Variants in PXK observed in about 807,000 individuals in gnomAD.
PXK encodes PX domain containing serine/threonine kinase like.
In PXK, 35 loss-of-function variants were observed where a neutral mutation model predicts 84.7. The observed-to-expected ratio is 0.41, with a 90% CI of 0.32 to 0.55. The LOEUF (loss-of-function observed/expected upper bound fraction) is 0.55. PXK is among the 20% of genes least tolerant of loss of function. The pLI is 0.21. For missense variants in PXK, 634 were observed against 699.7 expected (o/e 0.91, Z 1.06); for synonymous variants, 253 against 260.8 (o/e 0.97, Z 0.29).
rs778339656 is a variant in PXK, at chr3:58,424,819, C to T, written c.1596C>T (p.Ser532=). The part of the protein sequence containing the change: ...PPPAAPLPPA[S]TEAPAQLSSQ... ...CAGCAGCTCCCTTGCCTCCTGCGAG[C>T]ACCGAGGCACCTGCCCAGCTCTCGT... The change falls in exon 18 of 18, where the codon AGC becomes AGT. Residue 532 remains serine, a synonymous_variant. Transcript: ENST00000356151. The T allele has an allele frequency of 1.9e-6, 3 of 1,614,080 alleles. No homozygotes were observed. The highest frequency in any genetic ancestry group is 2.2e-5 in the South Asian group (2 of 91,086).
At position 58,399,355 on chromosome 3, in the gene PXK, A is replaced by G. The variant is rs2058216017; in HGVS notation, c.1159A>G (p.Ile387Val). Residue 387 changes from isoleucine (I) to valine (V), a missense_variant, in exon 12 of 18, where the codon ATC becomes GTC. Ile to Val is a conservative substitution (Grantham distance 29). Around this residue, in one of 3 missense-constraint regions of PXK, gnomAD observed 273 missense variants for 283.6 expected, o/e 0.96. Coordinates refer to ENST00000356151, the MANE Select transcript of PXK (RefSeq NM_017771.5). The surrounding 1 kb of genome is among the most constrained non-coding windows in gnomAD (Gnocchi z 4.3). ...CEACKNGMPT[I>V]SRLLQMPLFS... The stretch of plus-strand genomic sequence containing the variant: ...AGCCTGTAAAAATGGCATGCCTACC[A>G]TCTCCCGGCTCTTACAGATGCCGTA... The G allele has an allele frequency of 6.2e-7, 1 of 1,613,872 alleles. No individual in the cohort carries two copies. Among genetic ancestry groups the G allele is most frequent in the Non-Finnish European group, 8.5e-7 (1 of 1,179,792 alleles).
intron 1 of PXK, among the ~76,000 whole-genome samples, chr3:58,336,351 G>T (rs568735526): frequency 6.6e-6 from 1 of 152,190 alleles, no homozygotes; most frequent in African/African-American, 2.4e-5. Flanking sequence ...TGAGCAACTG[G>T]CAGAAAGGAC....
At chr3:58,377,780 A>G (rs2098456301) in intron 3 of PXK, among the ~76,000 whole-genome samples, 2 of 152,258 alleles carry the variant, frequency 1.3e-5, no homozygotes, top group Non-Finnish European at 2.9e-5. Flanking sequence ...CAGGAGAAGA[A>G]AAAACCACAA....
At chr3:58,402,706 C>A (rs1173616723) in intron 12 of PXK, among the ~76,000 whole-genome samples, 3 of 151,192 alleles carry the variant, frequency 2.0e-5, no homozygotes, top group Non-Finnish European at 4.4e-5. Context: ...GCTGAGATTA[C>A]AGGTGTGAGC....
chr3:58,354,742 C>G (rs1370090054), intron 1 of PXK, among the ~76,000 whole-genome samples: 1 of 152,084 alleles, frequency 6.6e-6, no homozygotes, highest in Non-Finnish European at 1.5e-5. Flanking sequence ...GCCACCGCGC[C>G]TGGCCCGATT....
rs562296569 is a variant in PXK at position 58,356,293 on chromosome 3, G to C, written c.103-9581G>C. On this transcript the variant is annotated intron_variant, in intron 1 of 17. Coordinates refer to ENST00000356151, the MANE Select transcript of PXK (RefSeq NM_017771.5). ...TGGGCCCTTTGGGGAAGTGGCAGCA[G>C]ATGGCAGGGTTTGGTGGCAGGCTGA... 1.8e-3 allele frequency among the ~76,000 whole-genome samples: 280 copies of C among 152,306 alleles called. 2 individuals are homozygous for C. The highest frequency in any genetic ancestry group is 3.5e-3 in the Non-Finnish European group (235 of 68,022).
At chr3:58,336,827 T>TG (rs1019418655) in intron 1 of PXK, among the ~76,000 whole-genome samples, 37 of 151,808 alleles carry the variant, frequency 2.4e-4, no homozygotes, top group African/African-American at 8.5e-4. Context: ...TTTTGGGGGG[T>TG]GGGGGACAGA....
At chr3:58,403,670 G>T (rs1480512355) in intron 12 of PXK, among the ~76,000 whole-genome samples, 192 bp from the exon 13 acceptor site, 1 of 152,190 alleles carries the variant, frequency 6.6e-6, no homozygotes, top group Non-Finnish European at 1.5e-5. Context: ...TGGGAAGGGG[G>T]TCACACTGGG....
chr3:58,415,053 ACT>A (rs2060755813), intron 17 of PXK, among the ~76,000 whole-genome samples: 1 of 152,114 alleles, frequency 6.6e-6, no homozygotes, highest in South Asian at 2.1e-4. Flanking sequence ...AATGATAGAC[ACT>A]GTTTAGGAAA....
Position 58,397,532 on chromosome 3 carries a change from C to G in PXK, c.985-73C>G, listed in dbSNP as rs955648866. 19 of 1,267,406 alleles carry G rather than the reference C, an allele frequency of 1.5e-5. No homozygotes were observed. Among genetic ancestry groups the G allele is most frequent in the African/African-American group, 2.9e-5 (2 of 68,136 alleles). The allele number at this position is 1,267,406 out of a possible 1,614,324, so 78.5% of individuals were successfully genotyped here. ...CCCTGGGCTTTGTTTCTCAGAGAAG[C>G]CTTGGGGCAGGAGCGCGAGGGTCCA... is the stretch of plus-strand genomic sequence containing the variant. On this transcript the variant is annotated intron_variant, in intron 10 of 17. Coordinates refer to ENST00000356151, the MANE Select transcript of PXK (RefSeq NM_017771.5). This position sits in a 1 kb window ranked among gnomAD's most constrained non-coding sequence, Gnocchi z 4.7.
At chr3:58,349,826 T>C (rs758285167) in intron 1 of PXK, among the ~76,000 whole-genome samples, 10 of 152,150 alleles carry the variant, frequency 6.6e-5, no homozygotes, top group Non-Finnish European at 1.5e-4. Flanking sequence ...GGCTACCATA[T>C]TGGATATCAA....
In PXK at chr3:58,336,374, G is replaced by A. The variant is rs560803149; in HGVS notation, c.102+3284G>A. The stretch of plus-strand genomic sequence containing the variant: ...TGGCAGAAAGGACATGTGTTGGTAG[G>A]TGATTCTGTGCTTTGCTGATGCTGA... On this transcript the variant is annotated intron_variant, in intron 1 of 17. Transcript: ENST00000356151. 2.0e-5 allele frequency among the ~76,000 whole-genome samples: 3 copies of A among 152,238 alleles called. 1 individual carries two copies. Among genetic ancestry groups the A allele is most frequent in the Admixed American group, 1.3e-4 (2 of 15,288 alleles).
At chr3:58,352,436 T>G (rs1446798995) in intron 1 of PXK, among the ~76,000 whole-genome samples, 1 of 152,210 alleles carries the variant, frequency 6.6e-6, no homozygotes, top group African/African-American at 2.4e-5. Flanking sequence ...CTACTAAACA[T>G]GTAGTGGGTA....
rs1255010750 is a variant in PXK at position 58,401,688 on chromosome 3, A to T, written c.1182-2174A>T. On this transcript the variant is annotated intron_variant, in intron 12 of 17. Coordinates refer to ENST00000356151, the MANE Select transcript of PXK (RefSeq NM_017771.5). The surrounding 1 kb of genome is among the most constrained non-coding windows in gnomAD (Gnocchi z 4.4). ...ATGCCTGTAATCCCAGCACTTTAGG[A>T]GGCCAAGGCAGGTGGATCACAAGGT... 1.3e-5 allele frequency among the ~76,000 whole-genome samples: 2 copies of T among 151,924 alleles called. No homozygotes were observed. Among genetic ancestry groups the T allele is most frequent in the Non-Finnish European group, 2.9e-5 (2 of 67,994 alleles).
chr3:58,409,763 G>GT lies in PXK; in HGVS notation c.1395+152dup, dbSNP rs34721541. ...ACTATTTCCAGATGACTGGGGTGCA[G>GT]TTTTTTTGGGGAAAAAAAAAGAGTC... On this transcript the variant is annotated intron_variant, in intron 15 of 17. Coordinates refer to ENST00000356151, the MANE Select transcript of PXK (RefSeq NM_017771.5). The surrounding 1 kb of genome is among the most constrained non-coding windows in gnomAD (Gnocchi z 4.2). The GT allele has an allele frequency of 0.75, 471,390 of 624,914 alleles. 180,490 individuals are homozygous for GT. The highest frequency in any genetic ancestry group is 0.79 in the Middle Eastern group (3,086 of 3,920). The allele number at this position is 624,914 out of a possible 1,614,324, so 38.7% of individuals were successfully genotyped here.
chr3:58,346,809 C>T (rs1219968179), intron 1 of PXK, among the ~76,000 whole-genome samples: 3 of 150,110 alleles, frequency 2.0e-5, no homozygotes, highest in African/African-American at 7.4e-5. Flanking sequence ...AGCCTCATGC[C>T]ACCACATGTG....
At position 58,425,101 on chromosome 3, in the gene PXK, C is replaced by A. The variant is rs2107909101; in HGVS notation, c.*141C>A. On this transcript the variant is annotated 3_prime_UTR_variant, in exon 18 of 18. Transcript: ENST00000356151. ...ACTATTTTGCAGATGCTCATGTAAG[C>A]AGCTTTTCGAGAGAAATAATTCTTT... 1 of 1,243,794 alleles carries A rather than the reference C, an allele frequency of 8.0e-7. No homozygotes were observed. The highest frequency in any genetic ancestry group is 1.1e-6 in the Non-Finnish European group (1 of 910,152). The allele number at this position is 1,243,794 out of a possible 1,614,324, so 77.0% of individuals were successfully genotyped here.
intron 1 of PXK, among the ~76,000 whole-genome samples, chr3:58,347,354 G>A (rs370163470): frequency 2.0e-5 from 3 of 151,890 alleles, no homozygotes; most frequent in Non-Finnish European, 2.9e-5. Flanking sequence ...CACTTTCATC[G>A]CTCCAGTTGT....
intron 7 of PXK, among the ~76,000 whole-genome samples, chr3:58,393,655 A>C (rs1417032055): frequency 6.6e-6 from 1 of 152,204 alleles, no homozygotes; most frequent in East Asian, 1.9e-4. Flanking sequence ...AAAAAGAAAA[A>C]AGCCATAATG....
Sources: gnomAD v4.1 joint callset for allele counts (sites outside exome capture counted in the v4.1 genomes callset) on GRCh38, gnomAD v4.1.1 for gene constraint, gnomAD v4.1.1 regional missense constraint, Gnocchi (gnomAD v3.1) non-coding constraint, MANE v1.5 for transcripts, NCBI Gene and HGNC (gene_info 2026-07-23, HGNC 2026-07-21) for gene names.